CNTN5: variants seen among roughly 807,000 people sequenced by gnomAD.
CNTN5 encodes contactin-5.
Under a neutral mutation model 129.1 loss-of-function variants are expected in CNTN5, and 77 were observed. The observed-to-expected ratio is 0.60, with a 90% confidence interval of 0.50 to 0.72. The LOEUF is 0.72. CNTN5 is among the 30% of genes least tolerant of loss of function. The pLI, the probability that CNTN5 is intolerant of heterozygous loss-of-function variation, is 0.00. For missense variants in CNTN5, 1,478 were observed against 1,328.8 expected (o/e 1.11, Z -1.75); for synonymous variants, 509 against 465.6 (o/e 1.09, Z -1.20).
At chr11:100,000,089 A>C (rs187790440) in intron 8 of CNTN5, among the ~76,000 whole-genome samples, 369 of 152,056 alleles carry the variant, frequency 2.4e-3, no homozygotes, top group African/African-American at 8.5e-3. Flanking sequence ...GCACACCAGC[A>C]TGGCACATGT....
At chr11:99,486,846 T>C (rs966434840) in intron 2 of CNTN5, among the ~76,000 whole-genome samples, 30 of 152,286 alleles carry the variant, frequency 2.0e-4, no homozygotes, top group African/African-American at 6.7e-4. Flanking sequence ...AGATCTATTT[T>C]CTTACTACAC....
chr11:99,326,802 C>A (rs1239818809), intron 2 of CNTN5, among the ~76,000 whole-genome samples: 1 of 152,102 alleles, frequency 6.6e-6, no homozygotes, highest in Non-Finnish European at 1.5e-5. Context: ...AACCTCAAAT[C>A]ATGGGAAAAA....
chr11:99,992,583 C>G (rs1473629598), intron 8 of CNTN5, among the ~76,000 whole-genome samples: 1 of 152,028 alleles, frequency 6.6e-6, no homozygotes, highest in Admixed American at 6.5e-5. Flanking sequence ...ATAGCCCTAC[C>G]TTCAAAAAAT....
chr11:100,022,662 G>A (rs537335653), intron 9 of CNTN5, among the ~76,000 whole-genome samples: 7 of 152,204 alleles, frequency 4.6e-5, no homozygotes, highest in Admixed American at 2.0e-4. Context: ...TTAATCTGGC[G>A]TTATTTTCTT....
intron 3 of CNTN5, among the ~76,000 whole-genome samples, chr11:99,679,456 A>T (rs1338454701): frequency 1.3e-5 from 2 of 152,040 alleles, no homozygotes; most frequent in East Asian, 3.8e-4. Flanking sequence ...AAACTTTATT[A>T]TTAATATTAT....
chr11:99,279,528 C>G (rs534355962), intron 1 of CNTN5, among the ~76,000 whole-genome samples: 7 of 151,876 alleles, frequency 4.6e-5, no homozygotes, highest in Admixed American at 2.0e-4. Flanking sequence ...AGTTAATGAA[C>G]CAGTTTAAAG....
intron 8 of CNTN5, 69 bp downstream of exon 8, chr11:99,957,078 GTT>G: frequency 2.6e-6 from 3 of 1,149,770 alleles, no homozygotes; most frequent in Non-Finnish European, 3.6e-6. Context: ...ATTAGTGTGT[GTT>G]TTTTTTTTAA....
chr11:100,201,051 G>A (rs1293122839), intron 15 of CNTN5, among the ~76,000 whole-genome samples: 1 of 151,922 alleles, frequency 6.6e-6, no homozygotes, highest in African/African-American at 2.4e-5. Flanking sequence ...CTATTATTGG[G>A]AAATGTGATC....
intron 1 of CNTN5, among the ~76,000 whole-genome samples, chr11:99,036,362 T>G (rs184276658): frequency 2.6e-5 from 4 of 152,102 alleles, no homozygotes; most frequent in Non-Finnish European, 5.9e-5. Flanking sequence ...ATTTTATACA[T>G]GTATCATTCT....
chr11:99,296,437 A>G (rs186558617), intron 1 of CNTN5, among the ~76,000 whole-genome samples: 229 of 152,322 alleles, frequency 1.5e-3, no homozygotes, highest in African/African-American at 5.1e-3. Flanking sequence ...AGCTTTCTTT[A>G]CCTGGTGAAA....
chr11:99,079,403 G>A (rs1865705168), intron 1 of CNTN5, among the ~76,000 whole-genome samples: 4 of 151,968 alleles, frequency 2.6e-5, no homozygotes, highest in Admixed American at 2.0e-4. Flanking sequence ...AGATGCTATG[G>A]TTAGAAAAAA....
At chr11:99,671,148 G>GTTTCTTTTTTT (rs5794013) in intron 3 of CNTN5, among the ~76,000 whole-genome samples, 1 of 125,680 alleles carries the variant, frequency 8.0e-6, no homozygotes. Flanking sequence ...TGTAGATTGA[G>GTTTCTTTTTTT]TTTTTTTTTT....
At chr11:99,805,813 C>T (rs1946251716) in intron 3 of CNTN5, among the ~76,000 whole-genome samples, 1 of 152,110 alleles carries the variant, frequency 6.6e-6, no homozygotes, top group South Asian at 2.1e-4. Flanking sequence ...TAGCCACTGA[C>T]CAACTGTCAT....
At chr11:99,241,843 G>A (rs1460267072) in intron 1 of CNTN5, among the ~76,000 whole-genome samples, 1 of 152,090 alleles carries the variant, frequency 6.6e-6, no homozygotes, top group South Asian at 2.1e-4. Flanking sequence ...TCAAGATACT[G>A]CAGTTAAATT....
chr11:100,261,975 G>T (rs1445452306), intron 17 of CNTN5, among the ~76,000 whole-genome samples: 2 of 152,120 alleles, frequency 1.3e-5, no homozygotes, highest in Non-Finnish European at 2.9e-5. Context: ...AAGATCTTCT[G>T]CACAGTGAAA....
At chr11:99,692,039 AT>A (rs1368623170) in intron 3 of CNTN5, among the ~76,000 whole-genome samples, 4 of 151,940 alleles carry the variant, frequency 2.6e-5, no homozygotes, top group Non-Finnish European at 2.9e-5. Context: ...TAGTGTCTGT[AT>A]TGTCAGAAAC....
At chr11:99,600,278 A>C (rs943088821) in intron 3 of CNTN5, among the ~76,000 whole-genome samples, 1 of 152,178 alleles carries the variant, frequency 6.6e-6, no homozygotes, top group Admixed American at 6.5e-5. Context: ...CTAATTTTAA[A>C]CCTAGTAACC....
chr11:99,181,765 G>T (rs774243360), intron 1 of CNTN5, among the ~76,000 whole-genome samples: 34 of 152,146 alleles, frequency 2.2e-4, no homozygotes, highest in Non-Finnish European at 2.6e-4. Flanking sequence ...GATGGACACT[G>T]TACCCATATT....
intron 3 of CNTN5, among the ~76,000 whole-genome samples, chr11:99,565,492 T>C (rs1174821870): frequency 6.6e-6 from 1 of 152,062 alleles, no homozygotes; most frequent in Admixed American, 6.5e-5. Flanking sequence ...TACAGTGAAG[T>C]TTCACCCCTC....
Sources: allele counts gnomAD v4.1 joint callset (sites outside exome capture counted in the v4.1 genomes callset), GRCh38; gene constraint gnomAD v4.1.1; transcripts MANE v1.5; gene names NCBI Gene and HGNC (gene_info 2026-07-23, HGNC 2026-07-21).